The following CIAPIN1 variants were observed in gnomAD, a reference collection of about 807,000 sequenced individuals.
CIAPIN1 encodes the protein anamorsin.
CIAPIN1 carries 18 observed loss-of-function variants against 34.3 expected under a neutral mutation model. The ratio of observed to expected loss-of-function variants is 0.52; its 90% CI spans 0.36 to 0.78. The LOEUF (loss-of-function observed/expected upper bound fraction) is 0.78. Ranked by LOEUF, CIAPIN1 falls within the 30% of genes least tolerant of loss-of-function variation. The pLI, the probability that CIAPIN1 is intolerant of heterozygous loss-of-function variation, is 0.00. For missense variants in CIAPIN1, 310 were observed against 372.5 expected (o/e 0.83, Z 1.38); for synonymous variants, 131 against 140.4 (o/e 0.93, Z 0.47).
At chr16:57,433,872 G>T in intron 5 of CIAPIN1, 172 bp downstream of exon 5, 1 of 601,554 alleles carries the variant, frequency 1.7e-6, no homozygotes. Flanking sequence ...TTCAGTTTTG[G>T]ATCCTAATAT....
At chr16:57,445,736 C>T (rs145261024) in intron 1 of CIAPIN1, among the ~76,000 whole-genome samples, 1 of 151,280 alleles carries the variant, frequency 6.6e-6, no homozygotes, top group East Asian at 2.0e-4. Context: ...AAGAAACCTA[C>T]TATGTGCCTG....
At chr16:57,437,885 G>A (rs1423425137) in intron 3 of CIAPIN1, among the ~76,000 whole-genome samples, 1 of 151,888 alleles carries the variant, frequency 6.6e-6, no homozygotes, top group African/African-American at 2.4e-5. Context: ...TTTTACCTAA[G>A]CTCTTAAATG....
intron 1 of CIAPIN1, among the ~76,000 whole-genome samples, chr16:57,444,132 T>C (rs1407889609): frequency 6.6e-6 from 1 of 152,160 alleles, no homozygotes; most frequent in Non-Finnish European, 1.5e-5. Flanking sequence ...TTCAGCAACA[T>C]TTACGGAGGC....
chr16:57,439,140 T>G, intron 3 of CIAPIN1, 42 bp downstream of exon 3: 4 of 1,608,632 alleles, frequency 2.5e-6, no homozygotes, highest in Non-Finnish European at 3.4e-6. Context: ...ACTCTAAGAC[T>G]CAACCCTGTC....
intron 1 of CIAPIN1, among the ~76,000 whole-genome samples, chr16:57,445,286 C>A (rs1194150468): frequency 4.6e-5 from 7 of 152,172 alleles, no homozygotes; most frequent in African/African-American, 1.7e-4. Flanking sequence ...GCAAGTGGAT[C>A]ACCTGAGGTC....
At chr16:57,442,294 C>G (rs1903350016) in intron 1 of CIAPIN1, among the ~76,000 whole-genome samples, 1 of 152,128 alleles carries the variant, frequency 6.6e-6, no homozygotes, top group Non-Finnish European at 1.5e-5. Flanking sequence ...TGCAGTGAGC[C>G]AAGATCGTGC....
chr16:57,440,018 A>G (rs1290506125), intron 2 of CIAPIN1, among the ~76,000 whole-genome samples: 2 of 152,248 alleles, frequency 1.3e-5, no homozygotes, highest in Non-Finnish European at 2.9e-5. Flanking sequence ...TCTTCTTACA[A>G]AAGTGAATAG....
rs372895659 is a variant in CIAPIN1, at chr16:57,430,344, G to A, written c.747-5C>T. On this transcript the variant is annotated splice_polypyrimidine_tract_variant and splice_region_variant and intron_variant, in intron 7 of 8. Coordinates refer to ENST00000394391, the MANE Select transcript of CIAPIN1 (RefSeq NM_020313.4). ...TCTTCGGCAAGGCCACAGGTGCTGC[G>A]GGAAAATCAGTAACTAATGAACGAG... 1.5e-5 allele frequency: 25 copies of A among 1,613,866 alleles called. No individual in the cohort carries two copies. The highest frequency in any genetic ancestry group is 4.4e-5 in the South Asian group (4 of 91,080).
At chr16:57,436,225 T>C (rs1903195464) in intron 4 of CIAPIN1, among the ~76,000 whole-genome samples, 1 of 152,164 alleles carries the variant, frequency 6.6e-6, no homozygotes, top group Non-Finnish European at 1.5e-5. Context: ...AAGTTTTTTT[T>C]TGTTTTGTTT....
In CIAPIN1 at chr16:57,434,209, G is replaced by C; in HGVS notation, c.391C>G (p.Gln131Glu). 1 of 1,613,818 alleles carries C rather than the reference G, an allele frequency of 6.2e-7. No individual in the cohort carries two copies. The highest frequency in any genetic ancestry group is 8.5e-7 in the Non-Finnish European group (1 of 1,179,844). The change falls in exon 5 of 9, where the codon CAG (glutamine) becomes GAG (glutamate). Residue 131 changes from glutamine to glutamate, a missense_variant. Transcript: ENST00000394391. ...TCCTCAGGGGTTAGGGGCTCCCGCT[G>C]CAGCTAGAATTCAAGACATCAAAAG... ...LSGLVEVKELQREPLTPEEVQ... is the reference protein window; with the variant it reads ...LSGLVEVKELEREPLTPEEVQ...
At position 57,431,061 on chromosome 16, in the gene CIAPIN1, G is replaced by GT. The variant is rs1598021471; in HGVS notation, c.746+89dup. On this transcript the variant is annotated intron_variant, in intron 7 of 8. Transcript: ENST00000394391. ...CCCTGTGTTGCCCAGCCTGGAAAAT[G>GT]TATGTTCTAAAAATAGTACAGCACC... 4.5e-5 allele frequency: 31 copies of GT among 684,496 alleles called. No individual in the cohort carries two copies. In the East Asian group the frequency reaches 8.0e-4, roughly 18 times the overall value. 42.4% of individuals were successfully genotyped at this position (684,496 alleles called of 1,614,324 possible).
intron 1 of CIAPIN1, among the ~76,000 whole-genome samples, chr16:57,443,703 G>A (rs755616227): frequency 7.2e-5 from 11 of 151,954 alleles, no homozygotes; most frequent in Non-Finnish European, 1.5e-4. Flanking sequence ...TGCCCACCTC[G>A]GCCTCCCAAA....
intron 5 of CIAPIN1, among the ~76,000 whole-genome samples, chr16:57,432,981 A>T (rs1292996322): frequency 6.6e-6 from 1 of 152,226 alleles, no homozygotes; most frequent in African/African-American, 2.4e-5. Flanking sequence ...CTTAGTTTCC[A>T]TTCTATAACA....
chr16:57,431,427 T>C, intron 6 of CIAPIN1, 161 bp from the exon 7 acceptor site: 1 of 523,016 alleles, frequency 1.9e-6, no homozygotes, highest in Non-Finnish European at 3.5e-6. Context: ...GACCACATGC[T>C]CAAGAGGCCA....
intron 5 of CIAPIN1, 139 bp downstream of exon 5, chr16:57,433,905 G>A: frequency 1.3e-6 from 1 of 770,334 alleles, no homozygotes; most frequent in Non-Finnish European, 2.2e-6. Flanking sequence ...AGTACATTAA[G>A]TATTCTTCTT....
chr16:57,429,791 C>CTT (rs780926941), intron 8 of CIAPIN1, among the ~76,000 whole-genome samples: 29 of 111,202 alleles, frequency 2.6e-4, no homozygotes, highest in Non-Finnish European at 4.1e-4. Context: ...CGCACCCGGC[C>CTT]TTTTTTTTTT....
intron 4 of CIAPIN1, among the ~76,000 whole-genome samples, chr16:57,435,297 G>A (rs1260262626): frequency 6.6e-5 from 10 of 152,194 alleles, no homozygotes; most frequent in Admixed American, 6.5e-4. Context: ...TAGAAGCCAA[G>A]CAGTTGCAGG....
intron 3 of CIAPIN1, among the ~76,000 whole-genome samples, chr16:57,438,527 T>C (rs78668030): frequency 4.6e-5 from 7 of 152,226 alleles, no homozygotes; most frequent in Admixed American, 3.3e-4. Flanking sequence ...GAAATTGATA[T>C]TGATGGTCCA....
intron 1 of CIAPIN1, 85 bp from the exon 2 acceptor site, chr16:57,441,068 G>T: frequency 1.3e-6 from 1 of 775,220 alleles, no homozygotes; most frequent in Non-Finnish European, 2.0e-6. Flanking sequence ...CCGCCCACTA[G>T]GGAATGCTGA....
Sources: allele counts gnomAD v4.1 joint callset (sites outside exome capture counted in the v4.1 genomes callset), GRCh38; gene constraint gnomAD v4.1.1; transcripts MANE v1.5; gene names NCBI Gene and HGNC (gene_info 2026-07-23, HGNC 2026-07-21).